COL8A2: variants seen among roughly 807,000 people sequenced by gnomAD.
The protein encoded by COL8A2 is collagen alpha-2(VIII) chain.
In COL8A2, 16 loss-of-function variants were observed where a neutral mutation model predicts 24.0. The ratio of observed to expected loss-of-function variants is 0.67; its 90% CI spans 0.45 to 1.01. COL8A2 has a LOEUF of 1.01. Ranked by LOEUF, COL8A2 falls within the 50% of genes least tolerant of loss-of-function variation. COL8A2 has a pLI of 0.00. For synonymous variants in COL8A2, 466 were observed against 424.5 expected (o/e 1.10, Z -1.20); for missense variants, 818 against 942.4 (o/e 0.87, Z 1.73).
At chr1:36,116,368 G>C (rs995190675) in intron 1 of COL8A2, among the ~76,000 whole-genome samples, 7 of 152,196 alleles carry the variant, frequency 4.6e-5, no homozygotes, top group African/African-American at 1.7e-4. Flanking sequence ...TCTGTGTCCC[G>C]GGTTCCCATG....
At position 36,099,144 on chromosome 1, in the gene COL8A2, C is replaced by A; in HGVS notation, c.537G>T (p.Gly179=). The A allele has an allele frequency of 5.3e-6, 8 of 1,503,182 alleles. No homozygotes were observed. Among genetic ancestry groups the A allele is most frequent in the Non-Finnish European group, 6.2e-6 (7 of 1,127,466 alleles). The allele number at this position is 1,503,182 out of a possible 1,614,324, so 93.1% of individuals were successfully genotyped here. A position where few individuals can be genotyped will look rare whatever the true frequency, so the allele number is the denominator to read the frequency against. ...ITIPGKPGAQ[G]VPGPPGFQGE... is the part of the protein sequence containing the mutation. ...CCTGGAATCCTGGGGGCCCTGGCAC[C>A]CCTTGGGCACCTGGTTTTCCAGGGA... Residue 179 remains glycine, a synonymous_variant, in exon 4 of 4, where the codon GGG becomes GGT. Transcript: ENST00000397799.
chr1:36,106,047 G>A (rs1457334195), intron 2 of COL8A2, among the ~76,000 whole-genome samples: 7 of 151,638 alleles, frequency 4.6e-5, no homozygotes, highest in Admixed American at 1.3e-4. Flanking sequence ...GAGGCAGGCG[G>A]ATCACCTGAG....
chr1:36,103,313 C>T (rs1198449377), intron 2 of COL8A2, among the ~76,000 whole-genome samples: 2 of 152,238 alleles, frequency 1.3e-5, no homozygotes, highest in South Asian at 2.1e-4. Context: ...TGCTCTGTTG[C>T]CCAGGCTGGA....
At position 36,098,994 on chromosome 1, in the gene COL8A2, G is replaced by A. The variant is rs747592874; in HGVS notation, c.687C>T (p.Gly229=). Residue 229 remains glycine, a synonymous_variant, in exon 4 of 4, where the codon GGC becomes GGT. Coordinates refer to ENST00000397799, the MANE Select transcript of COL8A2 (RefSeq NM_005202.4). ...TGCCTAAGCCAGCTGGACCAGGGAG[G>A]CCGGGGGGGCCGGGGGCACCCCCCT... is the stretch of plus-strand genomic sequence containing the variant. ...PGQGGAPGPP[G]LPGPAGLGKP... 1 of 1,589,160 alleles carries A rather than the reference G, an allele frequency of 6.3e-7. No homozygotes were observed. Among genetic ancestry groups the A allele is most frequent in the Admixed American group, 1.8e-5 (1 of 56,970 alleles).
rs1355937969 is a variant in COL8A2 at position 36,098,365 on chromosome 1, C to T, written c.1316G>A (p.Gly439Glu). The T allele has an allele frequency of 1.3e-6, 2 of 1,552,508 alleles. No individual in the cohort carries two copies. The highest frequency in any genetic ancestry group is 1.7e-6 in the Non-Finnish European group (2 of 1,148,452). Residue 439 changes from glycine (G) to glutamate (E), a missense_variant, in exon 4 of 4, where the codon GGG (glycine) becomes GAG (glutamate). Gly to Glu is a moderately conservative substitution (Grantham distance 98, BLOSUM62 -2). Around this residue, in one of 3 missense-constraint regions of COL8A2, gnomAD observed 573 missense variants for 616.8 expected, o/e 0.93. Coordinates refer to ENST00000397799, the MANE Select transcript of COL8A2 (RefSeq NM_005202.4). ...PGFTGRPGGP[G>E]VAGALGQKGD... ...TTTCTGCCCCAGGGCTCCTGCCACC[C>T]CTGGTCCTCCAGGGCGACCCGTGAA... is the stretch of plus-strand genomic sequence containing the variant.
rs1450236570 is a variant in COL8A2, at chr1:36,123,659, G to A, written c.-62+1398C>T. On this transcript the variant is annotated intron_variant, in intron 1 of 3. Transcript: ENST00000397799. The surrounding 1 kb of genome is among the most constrained non-coding windows in gnomAD (Gnocchi z 4.1). ...GTGTGCATGTGTCCGCCTGTGTCTT[G>A]TGGTGGTGTATGTTTCATTAGAGGA... Among the ~76,000 whole-genome samples, 4 of 152,152 alleles carry A rather than the reference G, an allele frequency of 2.6e-5. No individual in the cohort carries two copies. Among genetic ancestry groups the A allele is most frequent in the Non-Finnish European group, 5.9e-5 (4 of 68,010 alleles).
intron 1 of COL8A2, among the ~76,000 whole-genome samples, chr1:36,122,051 T>C (rs1411151401): frequency 6.6e-6 from 1 of 152,136 alleles, no homozygotes; most frequent in Non-Finnish European, 1.5e-5. Flanking sequence ...AATTCAGAAC[T>C]TTCCAAGAAT....
chr1:36,105,966 AAGAG>A (rs1553178118), intron 2 of COL8A2, among the ~76,000 whole-genome samples: 4 of 137,588 alleles, frequency 2.9e-5, no homozygotes, highest in East Asian at 4.5e-4. Flanking sequence ...AAAAAAAAAA[AAGAG>A]AGAGAGAGAG....
At chr1:36,112,681 C>A (rs966273659) in intron 2 of COL8A2, among the ~76,000 whole-genome samples, 2 of 152,174 alleles carry the variant, frequency 1.3e-5, no homozygotes, top group Non-Finnish European at 2.9e-5. Flanking sequence ...AGTCTCTCAC[C>A]CAGTCCCCCA....
rs781458569 is a variant in COL8A2, at chr1:36,098,587, G to C, written c.1094C>G (p.Ser365Cys). Residue 365 changes from serine to cysteine, a missense_variant, in exon 4 of 4, where the codon TCT becomes TGT. By Grantham distance (112) the Ser-to-Cys change is moderately radical. Coordinates refer to ENST00000397799, the MANE Select transcript of COL8A2 (RefSeq NM_005202.4). ...CCCACGTCTGCCAGGAAGCCCTGCA[G>C]ACCCAGGAAGTCCAGGGGGACCCCC... is the stretch of plus-strand genomic sequence containing the variant. ...GLGGPPGLPG[S>C]AGLPGRRGPP... 6.2e-7 allele frequency: 1 copy of C among 1,610,284 alleles called. No homozygotes were observed. The highest frequency in any genetic ancestry group is 1.3e-5 in the African/African-American group (1 of 74,898).
At chr1:36,111,080 C>T (rs753509377) in intron 2 of COL8A2, among the ~76,000 whole-genome samples, 4 of 152,186 alleles carry the variant, frequency 2.6e-5, no homozygotes, top group Non-Finnish European at 5.9e-5. Flanking sequence ...TCCTGAATCT[C>T]GGAAGAAGGA....
At position 36,100,095 on chromosome 1, in the gene COL8A2, C is replaced by T; in HGVS notation, c.148G>A (p.Gly50Arg). 1 of 1,612,750 alleles carries T rather than the reference C, an allele frequency of 6.2e-7. No homozygotes were observed. The highest frequency in any genetic ancestry group is 8.5e-7 in the Non-Finnish European group (1 of 1,179,034). ...TCACGGAAGGGCGGTCCCACAGGTCCTTTCTGCATGGGCTGGATGTACTTC... is the reference window on the plus strand; with the variant it reads ...TCACGGAAGGGCGGTCCCACAGGTCTTTTCTGCATGGGCTGGATGTACTTC... ...PVKYIQPMQKGPVGPPFREGK... is the reference protein window; with the variant it reads ...PVKYIQPMQKRPVGPPFREGK... The change falls in exon 3 of 4, where the codon GGA becomes AGA. Residue 50 changes from glycine to arginine, a missense_variant. Transcript: ENST00000397799.
rs1643943577 is a variant in COL8A2 at position 36,125,150 on chromosome 1, G to GA, written c.-156_-155insT. ...AGGGGCGTCCGCGGCTGGGCGGGCGGCGTTGGGGTCCGGGGTCCGCGCCGG... is the reference window on the plus strand; with the variant it reads ...AGGGGCGTCCGCGGCTGGGCGGGCGGACGTTGGGGTCCGGGGTCCGCGCCGG... On this transcript the variant is annotated 5_prime_UTR_variant, in exon 1 of 4. Transcript: ENST00000397799. The surrounding 1 kb of genome is among the most constrained non-coding windows in gnomAD (Gnocchi z 4.5). 1 of 647,462 alleles carries GA rather than the reference G, an allele frequency of 1.5e-6. No homozygotes were observed. Among genetic ancestry groups the GA allele is most frequent in the Admixed American group, 6.5e-5 (1 of 15,446 alleles). The allele number at this position is 647,462 out of a possible 1,614,324, so 40.1% of individuals were successfully genotyped here.
chr1:36,098,447 C>T lies in COL8A2; in HGVS notation c.1234G>A (p.Gly412Arg). 1 of 1,586,754 alleles carries T rather than the reference C, an allele frequency of 6.3e-7. No individual in the cohort carries two copies. The highest frequency in any genetic ancestry group is 8.6e-7 in the Non-Finnish European group (1 of 1,167,128). Residue 412 changes from glycine (G) to arginine (R), a missense_variant, in exon 4 of 4, where the codon GGA (glycine) becomes AGA (arginine). This residue lies in a region of COL8A2 where 573 missense variants were observed against 616.8 expected (regional missense o/e 0.93). Transcript: ENST00000397799. ...AGKPGVPGER[G>R]LPGAHGPPGP... is the part of the protein sequence containing the mutation. ...GGGGGTCCATGGGCCCCAGGAAGTCCCCTCTCACCTGGGACCCCTGGTTTC... is the reference window on the plus strand; with the variant it reads ...GGGGGTCCATGGGCCCCAGGAAGTCTCCTCTCACCTGGGACCCCTGGTTTC...
At chr1:36,099,545 C>T (rs1205987000) in intron 3 of COL8A2, 58 bp from the exon 4 acceptor site, 1 of 1,235,124 alleles carries the variant, frequency 8.1e-7, no homozygotes, top group East Asian at 2.5e-5. Flanking sequence ...CAGGGGACCC[C>T]ATCTACCCAT....
chr1:36,107,628 G>C (rs1643779894), intron 2 of COL8A2, among the ~76,000 whole-genome samples: 1 of 152,180 alleles, frequency 6.6e-6, no homozygotes. Context: ...ACAGCGGTGA[G>C]AAGGGTGTGT....
At chr1:36,120,070 C>T (rs1193279393) in intron 1 of COL8A2, among the ~76,000 whole-genome samples, 2 of 152,170 alleles carry the variant, frequency 1.3e-5, no homozygotes, top group East Asian at 1.9e-4. Flanking sequence ...AATACCATCC[C>T]AGCCCTCACG....
At position 36,121,446 on chromosome 1, in the gene COL8A2, C is replaced by T. The variant is rs949145315; in HGVS notation, c.-62+3611G>A. Among the ~76,000 whole-genome samples the T allele has an allele frequency of 9.3e-5, 13 of 139,942 alleles. No homozygotes were observed. The East Asian group carries it at 2.6e-3, about 28-fold the overall frequency. 91.8% of individuals were successfully genotyped at this position (139,942 alleles called of 152,430 possible). A position where few individuals can be genotyped will look rare whatever the true frequency, so the allele number is the denominator to read the frequency against. On this transcript the variant is annotated intron_variant, in intron 1 of 3. Transcript: ENST00000397799. ...TTCTAATTCCTTCTTATTGGCCAGG[C>T]ACAGTGGCTCACCCCTGTAATCACA... is the stretch of plus-strand genomic sequence containing the variant.
chr1:36,110,223 C>T (rs962955466), intron 2 of COL8A2, among the ~76,000 whole-genome samples: 11 of 150,470 alleles, frequency 7.3e-5, no homozygotes, highest in Non-Finnish European at 1.0e-4. Flanking sequence ...TGAGCCACCG[C>T]GCCAGGCCTA....
Sources: gnomAD v4.1 joint callset for allele counts (sites outside exome capture counted in the v4.1 genomes callset) on GRCh38, gnomAD v4.1.1 for gene constraint, gnomAD v4.1.1 regional missense constraint, Gnocchi (gnomAD v3.1) non-coding constraint, MANE v1.5 for transcripts, NCBI Gene and HGNC (gene_info 2026-07-23, HGNC 2026-07-21) for gene names.